DAPK2: variants seen among roughly 807,000 people sequenced by gnomAD.
DAPK2 encodes the protein death associated protein kinase 2.
In DAPK2, 35 loss-of-function variants were observed where a neutral mutation model predicts 44.1. The ratio of observed to expected loss-of-function variants is 0.79; its 90% CI spans 0.61 to 1.05. The LOEUF is 1.05. Among genes scored for constraint, DAPK2 ranks in the 50% least tolerant of loss-of-function variants. The pLI, the probability that DAPK2 is intolerant of heterozygous loss-of-function variation, is 0.00. For missense variants in DAPK2, 453 were observed against 483.2 expected, an observed-to-expected ratio of 0.94 and a Z score of 0.59; for synonymous variants, 174 against 182.6, an observed-to-expected ratio of 0.95 and a Z score of 0.38.
At chr15:64,007,278 C>T (rs370294383) in intron 1 of DAPK2, among the ~76,000 whole-genome samples, 1 of 151,950 alleles carries the variant, frequency 6.6e-6, no homozygotes, top group African/African-American at 2.4e-5. Context: ...CTTTCTCATT[C>T]CCTTTCACAC....
intron 8 of DAPK2, among the ~76,000 whole-genome samples, chr15:63,914,572 GC>G (rs1235575757): frequency 6.6e-6 from 1 of 152,094 alleles, no homozygotes; most frequent in Non-Finnish European, 1.5e-5. Context: ...TGAAGACCTT[GC>G]CTTTTCCCTT....
At chr15:64,033,940 G>T (rs1477801261) in intron 1 of DAPK2, among the ~76,000 whole-genome samples, 1 of 151,142 alleles carries the variant, frequency 6.6e-6, no homozygotes, top group African/African-American at 2.4e-5. Flanking sequence ...GAGAGAAAAT[G>T]ACCATCAAAG....
chr15:63,946,638 C>T (rs973250456), intron 3 of DAPK2, among the ~76,000 whole-genome samples: 1 of 152,192 alleles, frequency 6.6e-6, no homozygotes, highest in Non-Finnish European at 1.5e-5. Flanking sequence ...CAAGGGACCT[C>T]AGAGATCATT....
chr15:64,035,072 G>A (rs1301334955), intron 1 of DAPK2, among the ~76,000 whole-genome samples: 4 of 152,008 alleles, frequency 2.6e-5, no homozygotes, highest in Non-Finnish European at 5.9e-5. Context: ...GGAGGCTGAG[G>A]CAGGAGAATC....
chr15:64,033,774 G>A (rs1490017160), intron 1 of DAPK2, among the ~76,000 whole-genome samples: 2 of 152,054 alleles, frequency 1.3e-5, no homozygotes, highest in Non-Finnish European at 2.9e-5. Flanking sequence ...TGGGTGTGGT[G>A]GCGGGCGCTT....
At chr15:63,979,502 C>T (rs1462885292) in intron 2 of DAPK2, among the ~76,000 whole-genome samples, 1 of 152,204 alleles carries the variant, frequency 6.6e-6, no homozygotes, top group Non-Finnish European at 1.5e-5. Flanking sequence ...CAGCTTTCAA[C>T]TGAGTAGGTG....
intron 1 of DAPK2, among the ~76,000 whole-genome samples, chr15:64,015,524 G>T (rs960641017): frequency 3.9e-5 from 6 of 152,196 alleles, no homozygotes; most frequent in African/African-American, 1.4e-4. Flanking sequence ...GGGTTGAATA[G>T]TGGCTCCCTA....
At chr15:64,008,034 A>G (rs548670878) in intron 1 of DAPK2, among the ~76,000 whole-genome samples, 6 of 152,272 alleles carry the variant, frequency 3.9e-5, no homozygotes, top group African/African-American at 1.4e-4. Flanking sequence ...AGAAGCAGAG[A>G]GTGACTGCTA....
At chr15:63,910,573 C>G (rs752652091) in intron 10 of DAPK2, 1 of 152,222 alleles carries the variant, frequency 6.6e-6, no homozygotes, top group Non-Finnish European at 1.5e-5. Context: ...TAGGGTCATG[C>G]TCTGTCGCCC....
In DAPK2 at chr15:63,939,317, G is replaced by T. The variant is rs563315259; in HGVS notation, c.498C>A (p.His166Gln). 6.2e-7 allele frequency: 1 copy of T among 1,613,336 alleles called. No individual in the cohort carries two copies. The highest frequency in any genetic ancestry group is 1.3e-5 in the African/African-American group (1 of 74,696). ...CCAGACCAAAGTCAATCAGCTTGAT[G>T]TGTGGAATGGGAATATTCTTGTCTA... Residue 166 changes from histidine (H) to glutamine (Q), a missense_variant, in exon 4 of 11, where the codon CAC becomes CAA. Coordinates refer to ENST00000261891, the Ensembl canonical transcript of DAPK2. This position sits in a 1 kb window ranked among gnomAD's most constrained non-coding sequence, Gnocchi z 4.3.
intron 3 of DAPK2, among the ~76,000 whole-genome samples, chr15:63,960,981 T>C (rs2077883671): frequency 6.6e-6 from 1 of 152,238 alleles, no homozygotes; most frequent in Non-Finnish European, 1.5e-5. Context: ...TGTGGGAATC[T>C]AAGTCTCTTT....
At chr15:63,925,721 C>T (rs915092305) in intron 7 of DAPK2, among the ~76,000 whole-genome samples, 11 of 144,222 alleles carry the variant, frequency 7.6e-5, no homozygotes, top group Admixed American at 1.4e-4. Context: ...CACACACACA[C>T]ATTATTTACA....
At chr15:64,014,457 A>G (rs1209156659) in intron 1 of DAPK2, among the ~76,000 whole-genome samples, 3 of 152,236 alleles carry the variant, frequency 2.0e-5, no homozygotes, top group Non-Finnish European at 4.4e-5. Context: ...AAATCACCCA[A>G]TGATTTAGGA....
chr15:64,024,652 C>G (rs2079785399), intron 1 of DAPK2, among the ~76,000 whole-genome samples: 1 of 152,170 alleles, frequency 6.6e-6, no homozygotes, highest in African/African-American at 2.4e-5. Context: ...GCTGTCCCGC[C>G]CTGAGCCTAT....
chr15:63,949,222 T>A (rs1366837506), intron 3 of DAPK2, among the ~76,000 whole-genome samples: 1 of 152,210 alleles, frequency 6.6e-6, no homozygotes, highest in Admixed American at 6.5e-5. Flanking sequence ...GACTGCTTCC[T>A]CCTCTGGGGT....
At chr15:64,028,839 AAGAG>A (rs1471303982) in intron 1 of DAPK2, among the ~76,000 whole-genome samples, 1 of 151,830 alleles carries the variant, frequency 6.6e-6, no homozygotes, top group East Asian at 1.9e-4. Flanking sequence ...GAGAAGGGGA[AAGAG>A]AGAGAGAGAA....
At chr15:64,033,238 T>G (rs2080068418) in intron 1 of DAPK2, among the ~76,000 whole-genome samples, 1 of 116,156 alleles carries the variant, frequency 8.6e-6, no homozygotes, top group African/African-American at 3.6e-5. Context: ...CCAGCCTGAG[T>G]AACAGAGAGA....
chr15:63,968,735 A>T (rs2078125553), intron 3 of DAPK2, among the ~76,000 whole-genome samples: 1 of 152,228 alleles, frequency 6.6e-6, no homozygotes, highest in Admixed American at 6.5e-5. Flanking sequence ...GTATCATGGT[A>T]CATGGTAACT....
intron 5 of DAPK2, chr15:63,929,899 C>A: frequency 2.0e-6 from 1 of 506,304 alleles, no homozygotes; most frequent in South Asian, 1.7e-5. Context: ...ATGATAACTA[C>A]CTCACAGGAC....
Sources: allele counts gnomAD v4.1 joint callset (sites outside exome capture counted in the v4.1 genomes callset), GRCh38; gene constraint gnomAD v4.1.1; non-coding constraint Gnocchi (gnomAD v3.1); transcripts MANE v1.5; gene names NCBI Gene and HGNC (gene_info 2026-07-23, HGNC 2026-07-21).